The following SLC35D4 variants were observed in gnomAD, a reference collection of about 807,000 sequenced individuals.
The protein encoded by SLC35D4 is solute carrier family 35 member D4.
the SLC35D4 span, among the ~76,000 whole-genome samples, chr18:23,364,776 C>T: frequency 2.0e-5 from 3 of 151,552 alleles, no homozygotes; most frequent in South Asian, 4.2e-4. Context: ...TGGTCTCATA[C>T]GCCATAGTCC....
At chr18:23,354,361 A>AAAAAAG in the SLC35D4 span, among the ~76,000 whole-genome samples, 1 of 126,056 alleles carries the variant, frequency 7.9e-6, no homozygotes, top group Admixed American at 7.5e-5. Flanking sequence ...AAAAAAAAAA[A>AAAAAAG]AAAAAGAAAA....
chr18:23,247,664 G>A, the SLC35D4 span, among the ~76,000 whole-genome samples: 1 of 152,252 alleles, frequency 6.6e-6, no homozygotes, highest in Non-Finnish European at 1.5e-5. Context: ...CGGGCACCAT[G>A]TGTCAGAGCT....
chr18:23,350,851 T>C, the SLC35D4 span, among the ~76,000 whole-genome samples: 3 of 152,264 alleles, frequency 2.0e-5, no homozygotes, highest in Admixed American at 6.5e-5. Flanking sequence ...ATGGGAGTGA[T>C]GATAGGCAAG....
At chr18:23,295,503 A>AT in the SLC35D4 span, among the ~76,000 whole-genome samples, 1 of 152,086 alleles carries the variant, frequency 6.6e-6, no homozygotes, top group Non-Finnish European at 1.5e-5. Flanking sequence ...TAATATAAAT[A>AT]TTTTTCATGG....
the SLC35D4 span, among the ~76,000 whole-genome samples, chr18:23,276,201 C>A: frequency 6.6e-6 from 1 of 151,990 alleles, no homozygotes. Context: ...CATTCTCCTG[C>A]CTCAGCCTCC....
chr18:23,354,680 C>T, the SLC35D4 span, among the ~76,000 whole-genome samples: 1 of 152,118 alleles, frequency 6.6e-6, no homozygotes, highest in Admixed American at 6.5e-5. Flanking sequence ...ACTTCCTTTC[C>T]CTCGAGTCTT....
the SLC35D4 span, among the ~76,000 whole-genome samples, chr18:23,271,208 C>A: frequency 6.6e-6 from 1 of 152,216 alleles, no homozygotes; most frequent in Non-Finnish European, 1.5e-5. Flanking sequence ...GTCTCATCTG[C>A]CGCCATGTGA....
the SLC35D4 span, among the ~76,000 whole-genome samples, chr18:23,343,608 T>TC: frequency 6.6e-6 from 1 of 152,116 alleles, no homozygotes; most frequent in Non-Finnish European, 1.5e-5. Context: ...CCAGGTTTGT[T>TC]ATATAGGTAA....
the SLC35D4 span, chr18:23,371,517 C>T: frequency 6.8e-7 from 1 of 1,480,448 alleles, no homozygotes; most frequent in Middle Eastern, 1.8e-4. Context: ...AAGTGCAAGG[C>T]AAATGGAATC....
the SLC35D4 span, among the ~76,000 whole-genome samples, chr18:23,354,345 CAAAAAAAAAA>C: frequency 1.0e-5 from 1 of 99,142 alleles, no homozygotes; most frequent in Admixed American, 1.3e-4. Flanking sequence ...ACTAAAAATA[CAAAAAAAAAA>C]AAAAAAAAAA....
At chr18:23,432,979 C>CAA in the SLC35D4 span, among the ~76,000 whole-genome samples, 51 of 98,014 alleles carry the variant, frequency 5.2e-4, no homozygotes, top group Non-Finnish European at 5.9e-4. Flanking sequence ...GACTCTGTCT[C>CAA]AAAAAAAAAA....
the SLC35D4 span, among the ~76,000 whole-genome samples, chr18:23,424,261 AAAT>A: frequency 6.6e-6 from 1 of 152,208 alleles, no homozygotes; most frequent in Non-Finnish European, 1.5e-5. Context: ...TTGTGCAGTT[AAAT>A]GGAGGGTAAC....
chr18:23,413,476 AC>A, the SLC35D4 span, among the ~76,000 whole-genome samples: 2 of 152,090 alleles, frequency 1.3e-5, no homozygotes, highest in Non-Finnish European at 2.9e-5. Flanking sequence ...AGGGGCTGTT[AC>A]CCTGTACCCT....
At chr18:23,328,738 G>A in the SLC35D4 span, among the ~76,000 whole-genome samples, 2 of 152,106 alleles carry the variant, frequency 1.3e-5, no homozygotes, top group Non-Finnish European at 2.9e-5. Context: ...AAAAGAGCCC[G>A]CATTGCCAAG....
At chr18:23,384,221 T>C in the SLC35D4 span, among the ~76,000 whole-genome samples, 1 of 152,046 alleles carries the variant, frequency 6.6e-6, no homozygotes, top group African/African-American at 2.4e-5. Flanking sequence ...AGCCCAGTAA[T>C]TTGAGGCTGC....
At chr18:23,300,185 AG>A in the SLC35D4 span, among the ~76,000 whole-genome samples, 1 of 152,166 alleles carries the variant, frequency 6.6e-6, no homozygotes, top group Admixed American at 6.5e-5. Flanking sequence ...TGACTGTGAA[AG>A]GGAGGCGTTC....
chr18:23,269,910 G>C, the SLC35D4 span, among the ~76,000 whole-genome samples: 1 of 152,336 alleles, frequency 6.6e-6, no homozygotes, highest in Admixed American at 6.5e-5. Flanking sequence ...AGAGCAAAAA[G>C]TTTGGAAAAT....
chr18:23,243,344 G>A, the SLC35D4 span, among the ~76,000 whole-genome samples: 9 of 152,048 alleles, frequency 5.9e-5, no homozygotes, highest in South Asian at 2.1e-4. Context: ...GCCCTCAGGC[G>A]CACAGGCCTG....
chr18:23,280,162 GGGGCTGAGCTTGTGCTTGCAGAC>G, the SLC35D4 span, among the ~76,000 whole-genome samples: 217 of 152,384 alleles, frequency 1.4e-3, 2 homozygotes, highest in African/African-American at 4.8e-3. Context: ...TGCAGGCAGC[GGGGCTGAGCTTGTGCTTGCAGAC>G]GGGCCTCGGC....
Sources: gnomAD v4.1 joint callset for allele counts (sites outside exome capture counted in the v4.1 genomes callset) on GRCh38, gnomAD v4.1.1 for gene constraint, MANE v1.5 for transcripts, NCBI Gene and HGNC (gene_info 2026-07-23, HGNC 2026-07-21) for gene names.